VANGL2: variants seen among roughly 807,000 people sequenced by gnomAD.
The protein encoded by VANGL2 is VANGL planar cell polarity protein 2.
VANGL2 carries 14 observed loss-of-function variants against 50.2 expected under a neutral mutation model. That is an observed-to-expected ratio of 0.28 (90% confidence interval 0.18 to 0.44). The LOEUF is 0.44. Among genes scored for constraint, VANGL2 ranks in the 20% least tolerant of loss-of-function variants. The probability of loss-of-function intolerance (pLI) is 1.00; values close to 1 mark genes in which losing one functional copy is unlikely to be tolerated. For synonymous variants in VANGL2, 295 were observed against 297.2 expected (o/e 0.99, Z 0.08); for missense variants, 533 against 701.5 (o/e 0.76, Z 2.71).
intron 5 of VANGL2, 131 bp downstream of exon 5, chr1:160,420,678 C>A: frequency 7.1e-7 from 1 of 1,408,014 alleles, no homozygotes; most frequent in South Asian, 1.2e-5. Context: ...TCTATTCAGT[C>A]ATTTCCCTTG....
At position 160,419,431 on chromosome 1, in the gene VANGL2, C is replaced by T; in HGVS notation, c.622C>T (p.Arg208Trp). Reference sequence around the variant, plus strand: ...CTATGGTGTGCGCATCCTGGATGCTCGGGAGCGCAGCTACCAGGGCGTGGT... The same window carrying T: ...CTATGGTGTGCGCATCCTGGATGCTTGGGAGCGCAGCTACCAGGGCGTGGT... ...LFYGVRILDA[R>W]ERSYQGVVQF... Residue 208 changes from arginine (R) to tryptophan (W), a missense_variant, in exon 4 of 8, where the codon CGG becomes TGG. Coordinates refer to ENST00000368061, the MANE Select transcript of VANGL2 (RefSeq NM_020335.3). The surrounding 1 kb of genome is among the most constrained non-coding windows in gnomAD (Gnocchi z 5.8). The T allele has an allele frequency of 1.9e-6, 3 of 1,611,554 alleles. No homozygotes were observed. The highest frequency in any genetic ancestry group is 2.5e-6 in the Non-Finnish European group (3 of 1,180,006).
chr1:160,401,364 G>A (rs1247057043), intron 1 of VANGL2, among the ~76,000 whole-genome samples: 2 of 152,028 alleles, frequency 1.3e-5, no homozygotes, highest in Admixed American at 1.3e-4. Context: ...AGTCAGGGGG[G>A]CGGGTTGGGC....
intron 1 of VANGL2, among the ~76,000 whole-genome samples, chr1:160,401,183 C>T (rs1302627727): frequency 6.6e-6 from 1 of 152,080 alleles, no homozygotes; most frequent in Non-Finnish European, 1.5e-5. Flanking sequence ...TTAATGATCC[C>T]AGGGGAGCCG....
Position 160,425,436 on chromosome 1 carries a change from G to A in VANGL2, c.*58G>A, listed in dbSNP as rs970100007. ...GGGGGTCCTGAGGGGGTGGGAGGGG[G>A]CTTGGTTCTCAGGCCCAGCCACATT... On this transcript the variant is annotated 3_prime_UTR_variant, in exon 8 of 8. Coordinates refer to ENST00000368061, the MANE Select transcript of VANGL2 (RefSeq NM_020335.3). The A allele has an allele frequency of 4.9e-6, 5 of 1,019,170 alleles. No individual in the cohort carries two copies. Among genetic ancestry groups the A allele is most frequent in the Non-Finnish European group, 6.8e-6 (5 of 731,020 alleles). 63.1% of individuals were successfully genotyped at this position (1,019,170 alleles called of 1,614,324 possible). A position where few individuals can be genotyped will look rare whatever the true frequency, so the allele number is the denominator to read the frequency against.
At chr1:160,422,044 G>A (rs1259826791) in intron 6 of VANGL2, among the ~76,000 whole-genome samples, 1 of 152,156 alleles carries the variant, frequency 6.6e-6, no homozygotes, top group Non-Finnish European at 1.5e-5. Context: ...GTTCCATCTT[G>A]GTCTGTCGGG....
In VANGL2 at chr1:160,425,496, T is replaced by C. The variant is rs1651419928; in HGVS notation, c.*118T>C. On this transcript the variant is annotated 3_prime_UTR_variant, in exon 8 of 8. Coordinates refer to ENST00000368061, the MANE Select transcript of VANGL2 (RefSeq NM_020335.3). ...CTTCTTCTTCTTGCTCTTTTTTTTT[T>C]ACTTGAATTAACGCACCCCCACCTT... 6 of 1,037,206 alleles carry C rather than the reference T, an allele frequency of 5.8e-6. No homozygotes were observed. Among genetic ancestry groups the C allele is most frequent in the Non-Finnish European group, 8.2e-6 (6 of 732,154 alleles). 64.3% of individuals were successfully genotyped at this position (1,037,206 alleles called of 1,614,324 possible). A position where few individuals can be genotyped will look rare whatever the true frequency, so the allele number is the denominator to read the frequency against.
rs779609587 is a variant in VANGL2, at chr1:160,419,621, C to T, written c.800+12C>T. 65 of 1,597,662 alleles carry T rather than the reference C, an allele frequency of 4.1e-5. No homozygotes were observed. The highest frequency in any genetic ancestry group is 3.9e-4 in the Middle Eastern group (2 of 5,074). On this transcript the variant is annotated intron_variant, in intron 4 of 7. Coordinates refer to ENST00000368061, the MANE Select transcript of VANGL2 (RefSeq NM_020335.3). This position sits in a 1 kb window ranked among gnomAD's most constrained non-coding sequence, Gnocchi z 5.8. Reference sequence around the variant, plus strand: ...GTTGGCCATCTCAGGTACTAGCCCACGGCTGGAGAAGGGTTGGGAGGGAAA... The same window carrying T: ...GTTGGCCATCTCAGGTACTAGCCCATGGCTGGAGAAGGGTTGGGAGGGAAA...
chr1:160,420,887 A>G (rs1651248557), intron 5 of VANGL2, among the ~76,000 whole-genome samples, 165 bp from the exon 6 acceptor site: 2 of 152,184 alleles, frequency 1.3e-5, no homozygotes, highest in East Asian at 3.9e-4. Context: ...TTGCTTTCCT[A>G]TGGCCTCTCC....
intron 1 of VANGL2, among the ~76,000 whole-genome samples, chr1:160,407,969 C>A (rs1650740181): frequency 6.6e-6 from 1 of 152,206 alleles, no homozygotes; most frequent in Admixed American, 6.5e-5. Flanking sequence ...CCCGCCGGCC[C>A]CCACCTGGGA....
At chr1:160,416,227 T>C in intron 3 of VANGL2, 45 bp downstream of exon 3, 1 of 1,613,110 alleles carries the variant, frequency 6.2e-7, no homozygotes, top group Admixed American at 1.7e-5. Flanking sequence ...ATTTTCAGAC[T>C]GCTCCTGAGG....
rs1651161830 is a variant in VANGL2 at position 160,419,042 on chromosome 1, C to T, written c.233C>T (p.Thr78Ile). The T allele has an allele frequency of 6.2e-7, 1 of 1,612,016 alleles. No individual in the cohort carries two copies. Among genetic ancestry groups the T allele is most frequent in the Non-Finnish European group, 8.5e-7 (1 of 1,178,396 alleles). Residue 78 changes from threonine to isoleucine, a missense_variant, in exon 4 of 8, where the codon ACC becomes ATC. Thr to Ile is a moderately conservative substitution (Grantham distance 89, BLOSUM62 -1). Coordinates refer to ENST00000368061, the MANE Select transcript of VANGL2 (RefSeq NM_020335.3). This position sits in a 1 kb window ranked among gnomAD's most constrained non-coding sequence, Gnocchi z 5.8. ...WGETTTVVTG[T>I]SEHSISHDDL... ...GAAACGACGACAGTAGTAACGGGCACCTCAGAGCACAGCATCTCCCATGAT... is the reference window on the plus strand; with the variant it reads ...GAAACGACGACAGTAGTAACGGGCATCTCAGAGCACAGCATCTCCCATGAT...
At chr1:160,410,358 T>C (rs1345198047) in intron 1 of VANGL2, among the ~76,000 whole-genome samples, 1 of 152,086 alleles carries the variant, frequency 6.6e-6, no homozygotes, top group African/African-American at 2.4e-5. Context: ...GCCCCCCTTT[T>C]CTTCCGTGGC....
At chr1:160,410,785 G>A (rs993656332) in intron 1 of VANGL2, among the ~76,000 whole-genome samples, 2 of 151,928 alleles carry the variant, frequency 1.3e-5, no homozygotes. Flanking sequence ...GCCTCCAATT[G>A]TTTCCTGAAG....
At chr1:160,425,026 G>C in intron 7 of VANGL2, 92 bp from the exon 8 acceptor site, 1 of 1,587,298 alleles carries the variant, frequency 6.3e-7, no homozygotes, top group South Asian at 1.1e-5. Context: ...GCTCAGGGAC[G>C]TCCTTCTTGT....
intron 6 of VANGL2, among the ~76,000 whole-genome samples, chr1:160,422,092 A>G (rs1651294584): frequency 6.6e-6 from 1 of 152,120 alleles, no homozygotes; most frequent in East Asian, 1.9e-4. Flanking sequence ...TCAGGACTTG[A>G]CCACGCACCT....
intron 1 of VANGL2, among the ~76,000 whole-genome samples, chr1:160,406,962 A>T (rs934774434): frequency 5.9e-5 from 9 of 152,082 alleles, no homozygotes; most frequent in Admixed American, 3.3e-4. Flanking sequence ...TCCTGACCTC[A>T]GGTGATCTAC....
rs1651437448 is a variant in VANGL2 at position 160,425,883 on chromosome 1, C to T, written c.*505C>T. ...CAGCAACTGGCCCTCCTGTCCCTCA[C>T]CCCAGCCACAACAAACCCTGGGTTC... On this transcript the variant is annotated 3_prime_UTR_variant, in exon 8 of 8. Coordinates refer to ENST00000368061, the MANE Select transcript of VANGL2 (RefSeq NM_020335.3). 1 of 154,942 alleles carries T rather than the reference C, an allele frequency of 6.5e-6. No individual in the cohort carries two copies. The highest frequency in any genetic ancestry group is 1.4e-5 in the Non-Finnish European group (1 of 69,854). The allele number at this position is 154,942 out of a possible 1,614,324, so 9.6% of individuals were successfully genotyped here.
chr1:160,423,989 G>A, intron 6 of VANGL2, 63 bp from the exon 7 acceptor site: 1 of 1,581,020 alleles, frequency 6.3e-7, no homozygotes, highest in East Asian at 2.2e-5. Context: ...TGGAGCTAGG[G>A]GAGAGGGGTG....
intron 1 of VANGL2, among the ~76,000 whole-genome samples, chr1:160,402,438 TG>T (rs1650506172): frequency 6.6e-6 from 1 of 152,038 alleles, no homozygotes; most frequent in Non-Finnish European, 1.5e-5. Context: ...GAGATTTTGG[TG>T]TGGGATGGAA....
Sources: allele counts gnomAD v4.1 joint callset (sites outside exome capture counted in the v4.1 genomes callset), GRCh38; gene constraint gnomAD v4.1.1; non-coding constraint Gnocchi (gnomAD v3.1); transcripts MANE v1.5; gene names NCBI Gene and HGNC (gene_info 2026-07-23, HGNC 2026-07-21).